PAK2: variants seen among roughly 807,000 people sequenced by gnomAD.
PAK2 encodes the protein serine/threonine-protein kinase PAK 2.
Under a neutral mutation model 65.9 loss-of-function variants are expected in PAK2, and 21 were observed. That is an observed-to-expected ratio of 0.32 (90% CI 0.23 to 0.46). PAK2 has a LOEUF of 0.46. PAK2 is among the 20% of genes least tolerant of loss of function. The pLI is 1.00. For missense variants in PAK2, 324 were observed against 642.6 expected, an observed-to-expected ratio of 0.50 and a Z score of 5.36; for synonymous variants, 204 against 219.7, an observed-to-expected ratio of 0.93 and a Z score of 0.63.
chr3:196,798,389 G>A (rs1318154058), intron 2 of PAK2, among the ~76,000 whole-genome samples: 1 of 151,548 alleles, frequency 6.6e-6, no homozygotes, highest in Non-Finnish European at 1.5e-5. Context: ...TGTTGCCCAG[G>A]CTGGAGTACA....
chr3:196,751,128 C>T (rs558363149), intron 1 of PAK2, among the ~76,000 whole-genome samples: 4 of 152,264 alleles, frequency 2.6e-5, no homozygotes, highest in African/African-American at 7.2e-5. Context: ...TAACTGGAAT[C>T]GTGCAATGTT....
At chr3:196,808,009 T>C in intron 7 of PAK2, 95 bp downstream of exon 7, 1 of 1,207,708 alleles carries the variant, frequency 8.3e-7, no homozygotes, top group Non-Finnish European at 1.2e-6. Context: ...ACATTGTGAC[T>C]TAAAGTATAA....
intron 11 of PAK2, among the ~76,000 whole-genome samples, chr3:196,816,827 G>GT (rs1472339303): frequency 2.6e-5 from 4 of 152,170 alleles, no homozygotes; most frequent in Non-Finnish European, 2.9e-5. Context: ...GAAAGGAGTA[G>GT]TTTACCCCCA....
At position 196,778,730 on chromosome 3, in the gene PAK2, T is replaced by C. The variant is rs537964642; in HGVS notation, c.-21-3896T>C. Among the ~76,000 whole-genome samples the C allele has an allele frequency of 5.9e-5, 9 of 152,356 alleles. No individual in the cohort carries two copies. In the South Asian group the frequency reaches 1.7e-3, roughly 28 times the overall value. On this transcript the variant is annotated intron_variant, in intron 1 of 14. Transcript: ENST00000327134. ...AATCCAGGGTGTCACGTTGCGTTTA[T>C]GGTTGTGTCTCCTCTGATCTGTTAC...
chr3:196,775,818 T>C (rs1714518784), intron 1 of PAK2, among the ~76,000 whole-genome samples: 1 of 152,218 alleles, frequency 6.6e-6, no homozygotes, highest in African/African-American at 2.4e-5. Context: ...GATACTGTAA[T>C]GAAAAGCAGT....
At chr3:196,799,777 T>G (rs1171574896) in intron 2 of PAK2, among the ~76,000 whole-genome samples, 3 of 152,182 alleles carry the variant, frequency 2.0e-5, no homozygotes, top group Non-Finnish European at 4.4e-5. Flanking sequence ...GCCGCTATAC[T>G]CGGCTGAAGT....
intron 11 of PAK2, among the ~76,000 whole-genome samples, chr3:196,815,450 C>T (rs1268277999): frequency 3.3e-5 from 5 of 151,122 alleles, no homozygotes; most frequent in East Asian, 3.9e-4. Flanking sequence ...CAAAATTGCG[C>T]CACCGCACTC....
chr3:196,791,793 G>A lies in PAK2; in HGVS notation c.187+8960G>A, dbSNP rs921782812. On this transcript the variant is annotated intron_variant, in intron 2 of 14. Transcript: ENST00000327134. This position sits in a 1 kb window ranked among gnomAD's most constrained non-coding sequence, Gnocchi z 4.0. ...CAAAAAGTTAGCCAGGCGTGGTGGC[G>A]GGCCCCTGTAGTCCCAGCTACTCGG... is the stretch of plus-strand genomic sequence containing the variant. 2.0e-5 allele frequency among the ~76,000 whole-genome samples: 3 copies of A among 151,944 alleles called. No homozygotes were observed. The highest frequency in any genetic ancestry group is 7.2e-5 in the African/African-American group (3 of 41,384).
At chr3:196,755,944 C>T (rs546188384) in intron 1 of PAK2, among the ~76,000 whole-genome samples, 5 of 152,120 alleles carry the variant, frequency 3.3e-5, no homozygotes, top group South Asian at 2.1e-4. Flanking sequence ...TCAATAGAGA[C>T]GGGGTTTCAC....
At chr3:196,807,447 C>T (rs1368796262) in intron 6 of PAK2, among the ~76,000 whole-genome samples, 3 of 152,130 alleles carry the variant, frequency 2.0e-5, no homozygotes, top group Non-Finnish European at 4.4e-5. Flanking sequence ...TTGCATTTTA[C>T]TTACCATTTG....
intron 13 of PAK2, among the ~76,000 whole-genome samples, chr3:196,824,802 G>A (rs182423437): frequency 1.3e-5 from 2 of 151,322 alleles, no homozygotes; most frequent in Admixed American, 1.3e-4. Flanking sequence ...GCAACATATC[G>A]AGAATGCATT....
At chr3:196,748,727 G>A (rs1484080075) in intron 1 of PAK2, among the ~76,000 whole-genome samples, 1 of 152,158 alleles carries the variant, frequency 6.6e-6, no homozygotes, top group Non-Finnish European at 1.5e-5. Context: ...GAAGGACCAG[G>A]TTTGGTGATT....
At chr3:196,790,422 A>G (rs1016209861) in intron 2 of PAK2, among the ~76,000 whole-genome samples, 1 of 152,068 alleles carries the variant, frequency 6.6e-6, no homozygotes, top group Non-Finnish European at 1.5e-5. Flanking sequence ...CACTAGTTAA[A>G]TTGTTTATTT....
At chr3:196,817,967 G>A (rs1711526582) in intron 11 of PAK2, 90 bp from the exon 12 acceptor site, 6 of 551,986 alleles carry the variant, frequency 1.1e-5, no homozygotes, top group Non-Finnish European at 1.7e-5. Flanking sequence ...GCTGGGCACT[G>A]GAAGCAATGC....
chr3:196,815,119 G>T (rs1715961870), intron 11 of PAK2, among the ~76,000 whole-genome samples: 1 of 151,896 alleles, frequency 6.6e-6, no homozygotes, highest in Admixed American at 6.6e-5. Context: ...GGTGGAGCTT[G>T]CAGTGAGCCG....
At chr3:196,811,410 C>T (rs1353110522) in intron 8 of PAK2, among the ~76,000 whole-genome samples, 6 of 40,686 alleles carry the variant, frequency 1.5e-4, no homozygotes, top group African/African-American at 1.1e-4. Flanking sequence ...TTTTTTTTGG[C>T]GGAGTCTGTC....
chr3:196,765,415 C>G (rs1218421785), intron 1 of PAK2, among the ~76,000 whole-genome samples: 1 of 152,084 alleles, frequency 6.6e-6, no homozygotes, highest in East Asian at 1.9e-4. Flanking sequence ...TCCTGAGTAA[C>G]TGGGATTACA....
At chr3:196,744,636 AAGT>A (rs5855555) in intron 1 of PAK2, among the ~76,000 whole-genome samples, 70,523 of 151,788 alleles carry the variant, frequency 0.46, 16,832 homozygotes, top group Non-Finnish European at 0.53. Context: ...AGTTAGAAAT[AAGT>A]AGTACCTTTT....
Position 196,814,996 on chromosome 3 carries a change from G to A in PAK2, c.1053+428G>A, listed in dbSNP as rs375017010. 9.1e-4 allele frequency among the ~76,000 whole-genome samples: 138 copies of A among 151,418 alleles called. 1 individual carries two copies. The highest frequency in any genetic ancestry group is 6.7e-3 in the East Asian group (34 of 5,082). On this transcript the variant is annotated intron_variant, in intron 11 of 14. Transcript: ENST00000327134. ...AGATCGAGACCATCCTGGCTAACAC[G>A]GTGAAACCCTGTCTCTACTAAAAAT... is the stretch of plus-strand genomic sequence containing the variant.
Sources: allele counts gnomAD v4.1 joint callset (sites outside exome capture counted in the v4.1 genomes callset), GRCh38; gene constraint gnomAD v4.1.1; non-coding constraint Gnocchi (gnomAD v3.1); transcripts MANE v1.5; gene names NCBI Gene and HGNC (gene_info 2026-07-23, HGNC 2026-07-21).